Variants in ANO7 observed in about 807,000 individuals in gnomAD.
ANO7 encodes the protein anoctamin 7.
Under a neutral mutation model 115.8 loss-of-function variants are expected in ANO7, and 114 were observed. That is an observed-to-expected ratio of 0.98 (90% CI 0.85 to 1.15). ANO7 has a LOEUF of 1.15. Among genes scored for constraint, ANO7 ranks in the 50% most tolerant of loss-of-function variants. ANO7 has a pLI of 0.00. For synonymous variants in ANO7, 550 were observed against 498.2 expected, an observed-to-expected ratio of 1.10 and a Z score of -1.38; for missense variants, 1,302 against 1,201.2, an observed-to-expected ratio of 1.08 and a Z score of -1.24.
At chr2:241,229,481 G>T, downstream of ANO7, 1 of 749,000 alleles carries the variant, frequency 1.3e-6, no homozygotes. Context: ...CGGGACCTCG[G>T]GAAGGGGGAA....
chr2:241,212,482 C>A, intron 16 of ANO7, 90 bp from the exon 17 acceptor site: 1 of 1,381,346 alleles, frequency 7.2e-7, no homozygotes, highest in Non-Finnish European at 1.0e-6. Context: ...AGGGCAGGTG[C>A]AGCAGCTCTG....
intron 6 of ANO7, among the ~76,000 whole-genome samples, chr2:241,200,926 G>C (rs1368254816): frequency 6.6e-6 from 1 of 152,202 alleles, no homozygotes; most frequent in Non-Finnish European, 1.5e-5. Context: ...CGGAGCTTCA[G>C]GGCGGCACAC....
intron 10 of ANO7, among the ~76,000 whole-genome samples, chr2:241,207,095 C>G (rs1372161086): frequency 5.7e-4 from 70 of 122,926 alleles, no homozygotes; most frequent in Non-Finnish European, 9.9e-4. Context: ...CACAGGTAGA[C>G]AGGAGTGCTC....
At chr2:241,210,999 C>T (rs1189235876) in intron 15 of ANO7, among the ~76,000 whole-genome samples, 1 of 152,120 alleles carries the variant, frequency 6.6e-6, no homozygotes, top group Admixed American at 6.6e-5. Flanking sequence ...TTTTTGGCAC[C>T]CCAGGTGGGA....
At chr2:241,215,406 C>A (rs2068807898) in intron 18 of ANO7, among the ~76,000 whole-genome samples, 1 of 152,240 alleles carries the variant, frequency 6.6e-6, no homozygotes, top group South Asian at 2.1e-4. Context: ...AGGGCCTCGC[C>A]TCCCGCTCAA....
chr2:241,216,381 G>C, intron 19 of ANO7, 143 bp downstream of exon 19: 1 of 1,156,410 alleles, frequency 8.6e-7, no homozygotes, highest in East Asian at 2.7e-5. Flanking sequence ...GGGAACAGAG[G>C]GTCGGGCCTG....
At chr2:241,212,350 C>G in intron 16 of ANO7, 145 bp downstream of exon 16, 2 of 944,110 alleles carry the variant, frequency 2.1e-6, no homozygotes, top group Non-Finnish European at 1.6e-6. Flanking sequence ...GACAGGGGCC[C>G]ATGCCTCCTG....
intron 21 of ANO7, among the ~76,000 whole-genome samples, chr2:241,219,875 C>T (rs955021491): frequency 7.2e-5 from 11 of 152,092 alleles, no homozygotes; most frequent in Non-Finnish European, 1.3e-4. Context: ...ACCCGGCTAG[C>T]ACACGTTCTA....
At chr2:241,196,750 G>A (rs570931267) in intron 4 of ANO7, among the ~76,000 whole-genome samples, 10 of 152,268 alleles carry the variant, frequency 6.6e-5, no homozygotes, top group African/African-American at 9.6e-5. Flanking sequence ...TGTGAATGCC[G>A]GTCTTTGCTT....
At chr2:241,237,845 TAGAC>T in the ANO7 span, among the ~76,000 whole-genome samples, 5 of 152,246 alleles carry the variant, frequency 3.3e-5, no homozygotes, top group South Asian at 2.1e-4. Context: ...GTGTAAAACA[TAGAC>T]AGAGTGCAGT....
intron 1 of ANO7, among the ~76,000 whole-genome samples, chr2:241,189,530 C>T (rs1559435632): frequency 6.6e-6 from 1 of 152,106 alleles, no homozygotes; most frequent in Non-Finnish European, 1.5e-5. Flanking sequence ...GAAGCTGGGA[C>T]CCCCAAGAGT....
At chr2:241,238,117 G>A in the ANO7 span, among the ~76,000 whole-genome samples, 797 of 152,314 alleles carry the variant, frequency 5.2e-3, 5 homozygotes, top group Middle Eastern at 0.014. The surrounding 1 kb of genome is among the most constrained non-coding windows in gnomAD (Gnocchi z 4.9). Flanking sequence ...AGAGGCAACC[G>A]ACCCGCATCC....
At chr2:241,228,397 C>G (rs538734069), downstream of ANO7, 3 of 152,460 alleles carry the variant, frequency 2.0e-5, no homozygotes, top group African/African-American at 7.2e-5. Flanking sequence ...AGGCCCCATG[C>G]CATCGTCTCG....
intron 19 of ANO7, 155 bp from the exon 20 acceptor site, chr2:241,217,531 G>T: frequency 1.2e-6 from 1 of 840,142 alleles, no homozygotes; most frequent in Non-Finnish European, 1.8e-6. Context: ...CTGGCGCTGC[G>T]CGGTCCAGGA....
intron 3 of ANO7, 63 bp downstream of exon 3, chr2:241,191,314 G>T (rs979028827): frequency 2.5e-5 from 40 of 1,591,614 alleles, no homozygotes; most frequent in Non-Finnish European, 3.2e-5. Flanking sequence ...ACACCACGGG[G>T]GTGCCCCCAG....
chr2:241,208,468 G>A (rs2068638564), intron 11 of ANO7, among the ~76,000 whole-genome samples: 1 of 152,154 alleles, frequency 6.6e-6, no homozygotes, highest in Non-Finnish European at 1.5e-5. Flanking sequence ...CTGCGTGCTG[G>A]TTCCTCTTCT....
chr2:241,199,081 T>C (rs1453499403), intron 4 of ANO7: 1 of 520,696 alleles, frequency 1.9e-6, no homozygotes, highest in Non-Finnish European at 3.5e-6. Context: ...CAGCATGCTG[T>C]CTGCAGCAAA....
rs2068121220 is a variant in ANO7, at chr2:241,188,934, G to GAC, written c.-8+175_-8+176dup. Among the ~76,000 whole-genome samples, 1 of 152,340 alleles carries GAC rather than the reference G, an allele frequency of 6.6e-6. No individual in the cohort carries two copies. Among genetic ancestry groups the GAC allele is most frequent in the East Asian group, 1.9e-4 (1 of 5,186 alleles). ...CAAAGCCCCTTGGGGCACGAGGAGG[G>GAC]ACACACACTCAGTGCGGCTCTGGAC... On this transcript the variant is annotated intron_variant, in intron 1 of 24. Coordinates refer to ENST00000674324, the MANE Select transcript of ANO7 (RefSeq NM_001370694.2). This position sits in a 1 kb window ranked among gnomAD's most constrained non-coding sequence, Gnocchi z 4.3.
In ANO7 at chr2:241,216,128, G is replaced by C; in HGVS notation, c.1862G>C (p.Arg621Pro). Residue 621 changes from arginine to proline, a missense_variant, in exon 19 of 25, where the codon CGC becomes CCC. Coordinates refer to ENST00000674324, the MANE Select transcript of ANO7 (RefSeq NM_001370694.2). ...LKGWWQKFRL[R>P]SKKRKAGASA... Reference sequence around the variant, plus strand: ...GGCTGGTGGCAGAAGTTCCGGCTTCGCTCCAAGAAGAGGAAGGCGGGAGCT... The same window carrying C: ...GGCTGGTGGCAGAAGTTCCGGCTTCCCTCCAAGAAGAGGAAGGCGGGAGCT... 6.2e-7 allele frequency: 1 copy of C among 1,612,604 alleles called. No homozygotes were observed. The highest frequency in any genetic ancestry group is 8.5e-7 in the Non-Finnish European group (1 of 1,179,670).
Sources: allele counts gnomAD v4.1 joint callset (sites outside exome capture counted in the v4.1 genomes callset), GRCh38; gene constraint gnomAD v4.1.1; non-coding constraint Gnocchi (gnomAD v3.1); transcripts MANE v1.5; gene names NCBI Gene and HGNC (gene_info 2026-07-23, HGNC 2026-07-21).